The following SDK1 variants were observed in gnomAD, a reference collection of about 807,000 sequenced individuals.
SDK1 encodes protein sidekick-1.
SDK1 carries 157 observed loss-of-function variants against 245.5 expected under a neutral mutation model. The observed-to-expected ratio is 0.64, with a 90% CI of 0.56 to 0.73. The LOEUF is 0.73. Among genes scored for constraint, SDK1 ranks in the 30% least tolerant of loss-of-function variants. The pLI is 0.00. For synonymous variants in SDK1, 1,647 were observed against 1,278.5 expected (o/e 1.29, Z -6.15); for missense variants, 3,583 against 3,002.3 (o/e 1.19, Z -4.52).
At chr7:3,644,431 G>A (rs1254006666) in intron 4 of SDK1, among the ~76,000 whole-genome samples, 10 of 151,670 alleles carry the variant, frequency 6.6e-5, no homozygotes, top group Non-Finnish European at 1.0e-4. Flanking sequence ...CAAAAATGAA[G>A]GATCAATTTT....
chr7:3,411,136 G>C (rs1433266011), intron 1 of SDK1, among the ~76,000 whole-genome samples: 1 of 152,164 alleles, frequency 6.6e-6, no homozygotes, highest in African/African-American at 2.4e-5. Context: ...TCCTGCGGAA[G>C]ACCAAGAGGG....
rs115314956 is a variant in SDK1, at chr7:3,485,311, A to C, written c.299-133769A>C. On this transcript the variant is annotated intron_variant, in intron 1 of 44. Transcript: ENST00000404826. ...CCATTTGCAGGTCTTCTTTTGAGAA[A>C]TGTCTCTTCAGATACTTTGCCCATT... Among the ~76,000 whole-genome samples the C allele has an allele frequency of 3.6e-3, 541 of 152,240 alleles. 6 individuals carry two copies. Among genetic ancestry groups the C allele is most frequent in the African/African-American group, 0.012 (516 of 41,524 alleles).
At chr7:3,793,955 G>A (rs946199342) in intron 4 of SDK1, among the ~76,000 whole-genome samples, 3 of 152,300 alleles carry the variant, frequency 2.0e-5, no homozygotes, top group South Asian at 2.1e-4. Flanking sequence ...ATCCTCTACT[G>A]CTGAAGGCCT....
chr7:3,307,167 C>T (rs959690489), intron 1 of SDK1, among the ~76,000 whole-genome samples: 1 of 152,102 alleles, frequency 6.6e-6, no homozygotes, highest in Non-Finnish European at 1.5e-5. Flanking sequence ...TGCATAGTTT[C>T]TAAAATTTTA....
In SDK1 at chr7:3,477,072, C is replaced by T. The variant is rs188236426; in HGVS notation, c.299-142008C>T. ...ATCAAATGAGTCTGATTGTGACCTT[C>T]CTCTGTACTTTGGAATTACATGAGC... On this transcript the variant is annotated intron_variant, in intron 1 of 44. Transcript: ENST00000404826. 3.0e-3 allele frequency among the ~76,000 whole-genome samples: 451 copies of T among 152,074 alleles called. 1 individual carries two copies. The highest frequency in any genetic ancestry group is 0.011 in the African/African-American group (437 of 41,460).
rs1788468022 is a variant in SDK1 at position 4,266,356 on chromosome 7, A to G, written c.*972A>G. On this transcript the variant is annotated 3_prime_UTR_variant, in exon 45 of 45. Transcript: ENST00000404826. ...TTAATTGTTCAGCTTTGTACATGGG[A>G]AAGATGAAAAGCAACAGTGTCTGCA... 12 of 985,192 alleles carry G rather than the reference A, an allele frequency of 1.2e-5. No homozygotes were observed. The highest frequency in any genetic ancestry group is 1.4e-5 in the Non-Finnish European group (12 of 829,928). 61.0% of individuals were successfully genotyped at this position (985,192 alleles called of 1,614,324 possible).
At chr7:3,663,705 G>A (rs888525693) in intron 4 of SDK1, among the ~76,000 whole-genome samples, 18 of 152,120 alleles carry the variant, frequency 1.2e-4, no homozygotes, top group Non-Finnish European at 1.8e-4. Flanking sequence ...CACCCTACTT[G>A]TTTATAGCTA....
chr7:3,793,554 C>A (rs1778871495), intron 4 of SDK1, among the ~76,000 whole-genome samples: 1 of 152,166 alleles, frequency 6.6e-6, no homozygotes, highest in Non-Finnish European at 1.5e-5. Flanking sequence ...TGATCCTCTG[C>A]CCTTTACAGC....
chr7:4,260,559 A>T (rs1416181403), intron 44 of SDK1, among the ~76,000 whole-genome samples: 3 of 116,436 alleles, frequency 2.6e-5, no homozygotes, highest in African/African-American at 1.1e-4. Context: ...TCGTCACCTG[A>T]TGGAGAAGCT....
At position 4,145,889 on chromosome 7, in the gene SDK1, G is replaced by A. The variant is rs200325457; in HGVS notation, c.4396G>A (p.Ala1466Thr). The change falls in exon 29 of 45, where the codon GCC becomes ACC. Residue 1466 changes from alanine to threonine, a missense_variant. Ala to Thr is a moderately conservative substitution (Grantham distance 58). Transcript: ENST00000404826. ...GCAGGGCTGGGGGGAGCCACTGGAG[G>A]CCACCGTCATCACCACCGAGAAGAG... ...TRQGWGEPLE[A>T]TVITTEKRER... 11 of 1,606,130 alleles carry A rather than the reference G, an allele frequency of 6.8e-6. No homozygotes were observed. Among genetic ancestry groups the A allele is most frequent in the African/African-American group, 1.4e-5 (1 of 74,040 alleles).
intron 1 of SDK1, among the ~76,000 whole-genome samples, chr7:3,332,545 C>G (rs1780095080): frequency 6.6e-6 from 1 of 151,990 alleles, no homozygotes; most frequent in Non-Finnish European, 1.5e-5. Flanking sequence ...AGTCTGTTAT[C>G]TATTTGGAAA....
intron 1 of SDK1, among the ~76,000 whole-genome samples, chr7:3,550,625 T>G (rs1470050764): frequency 6.6e-6 from 1 of 152,210 alleles, no homozygotes; most frequent in Non-Finnish European, 1.5e-5. Flanking sequence ...GTAGAACAAA[T>G]CAGAAGTCTC....
At chr7:3,982,940 C>T (rs1365896657) in intron 13 of SDK1, among the ~76,000 whole-genome samples, 6 of 151,972 alleles carry the variant, frequency 3.9e-5, no homozygotes, top group Non-Finnish European at 8.8e-5. Flanking sequence ...ATGGATGAGG[C>T]TGGAGGGGTT....
intron 35 of SDK1, among the ~76,000 whole-genome samples, chr7:4,185,014 G>A (rs978846096): frequency 2.0e-5 from 3 of 152,192 alleles, no homozygotes; most frequent in Admixed American, 2.0e-4. Flanking sequence ...GCCTTTAGTT[G>A]CATATCTGTC....
At chr7:4,247,423 CAG>C (rs1415509705) in intron 44 of SDK1, among the ~76,000 whole-genome samples, 1 of 152,240 alleles carries the variant, frequency 6.6e-6, no homozygotes, top group African/African-American at 2.4e-5. Context: ...GTCTAAAACT[CAG>C]GGGCTGTCAA....
chr7:3,689,309 T>C (rs1225886521), intron 4 of SDK1, among the ~76,000 whole-genome samples: 2 of 152,192 alleles, frequency 1.3e-5, no homozygotes, highest in Non-Finnish European at 2.9e-5. Flanking sequence ...TGGAGCCTGC[T>C]ATTCTCCCTC....
intron 5 of SDK1, among the ~76,000 whole-genome samples, chr7:3,897,339 C>T (rs749959664): frequency 6.6e-6 from 1 of 152,132 alleles, no homozygotes; most frequent in African/African-American, 2.4e-5. Flanking sequence ...AAGCTCTTTC[C>T]CCATCAAACA....
intron 1 of SDK1, among the ~76,000 whole-genome samples, chr7:3,355,947 G>A (rs1057201192): frequency 1.3e-5 from 2 of 152,066 alleles, no homozygotes; most frequent in East Asian, 3.9e-4. Context: ...AGCATTCATG[G>A]TATTTCTCCA....
intron 22 of SDK1, among the ~76,000 whole-genome samples, chr7:4,109,800 T>C (rs561510150): frequency 6.6e-5 from 10 of 152,134 alleles, no homozygotes; most frequent in Admixed American, 1.3e-4. Context: ...GGCACTCGGG[T>C]TTCTTAAGAG....
Sources: gnomAD v4.1 joint callset for allele counts (sites outside exome capture counted in the v4.1 genomes callset) on GRCh38, gnomAD v4.1.1 for gene constraint, MANE v1.5 for transcripts, NCBI Gene and HGNC (gene_info 2026-07-23, HGNC 2026-07-21) for gene names.